OLFM3: variants seen among roughly 807,000 people sequenced by gnomAD.
The protein encoded by OLFM3 is olfactomedin 3.
In OLFM3, 20 loss-of-function variants were observed where a neutral mutation model predicts 48.6. The observed-to-expected ratio is 0.41, with a 90% CI of 0.29 to 0.60. OLFM3 has a LOEUF of 0.60. OLFM3 is among the 20% of genes least tolerant of loss of function. The pLI is 0.28. For synonymous variants in OLFM3, 222 were observed against 198.1 expected, an observed-to-expected ratio of 1.12 and a Z score of -1.01; for missense variants, 437 against 544.3, an observed-to-expected ratio of 0.80 and a Z score of 1.96.
intron 1 of OLFM3, among the ~76,000 whole-genome samples, chr1:101,971,697 AATTAT>A (rs1450527198): frequency 6.6e-6 from 1 of 152,148 alleles, no homozygotes; most frequent in Non-Finnish European, 1.5e-5. Context: ...AGATGTCTAA[AATTAT>A]ATTATAGTTC....
Position 101,878,059 on chromosome 1 carries a change from C to T in OLFM3, c.70-41034G>A, listed in dbSNP as rs117612508. Among the ~76,000 whole-genome samples the T allele has an allele frequency of 1.4e-4, 21 of 151,806 alleles. No homozygotes were observed. The East Asian group carries it at 1.8e-3, about 13-fold the overall frequency. On this transcript the variant is annotated intron_variant, in intron 1 of 5. Coordinates refer to ENST00000370103, the MANE Select transcript of OLFM3 (RefSeq NM_058170.4). Reference sequence around the variant, plus strand: ...ATGGGGATTTAAGTGCCTTCTCACCCGCATGTCCTAGAGAAGATACACCTG... The same window carrying T: ...ATGGGGATTTAAGTGCCTTCTCACCTGCATGTCCTAGAGAAGATACACCTG...
At position 101,825,238 on chromosome 1, in the gene OLFM3, T is replaced by C. The variant is rs781538617; in HGVS notation, c.380A>G (p.Lys127Arg). 6.2e-7 allele frequency: 1 copy of C among 1,613,520 alleles called. No individual in the cohort carries two copies. The highest frequency in any genetic ancestry group is 1.1e-5 in the South Asian group (1 of 90,962). ...TLMTKHFQELKEKMDELLPLI... is the reference protein window; with the variant it reads ...TLMTKHFQELREKMDELLPLI... ...AGGCAGGAGCTCGTCCATTTTCTCTTTCAACTCCTGTGAAAAGCAGCCTAT... is the reference window on the plus strand; with the variant it reads ...AGGCAGGAGCTCGTCCATTTTCTCTCTCAACTCCTGTGAAAAGCAGCCTAT... Residue 127 changes from lysine to arginine, a missense_variant, in exon 4 of 6, where the codon AAA becomes AGA. Physicochemically the swap from Lys to Arg is conservative, Grantham distance 26. Around this residue, in one of 3 missense-constraint regions of OLFM3, gnomAD observed 314 missense variants for 365.5 expected, o/e 0.86. Transcript: ENST00000370103.
At chr1:101,956,289 G>A (rs1403694799) in intron 1 of OLFM3, among the ~76,000 whole-genome samples, 19 of 151,204 alleles carry the variant, frequency 1.3e-4, no homozygotes, top group Non-Finnish European at 2.7e-4. Flanking sequence ...CCACATAAAG[G>A]CCTTTATAAT....
chr1:101,961,689 T>TAGAAATAAGC (rs1326057340), intron 1 of OLFM3, among the ~76,000 whole-genome samples: 1 of 152,110 alleles, frequency 6.6e-6, no homozygotes, highest in Admixed American at 6.6e-5. Context: ...GACTATGCAT[T>TAGAAATAAGC]AGAAATAAGC....
intron 1 of OLFM3, among the ~76,000 whole-genome samples, chr1:101,888,462 A>T (rs958665497): frequency 5.9e-5 from 9 of 152,182 alleles, no homozygotes; most frequent in Admixed American, 1.3e-4. Flanking sequence ...GAAAGCTGAA[A>T]CTGGATCCCT....
chr1:101,858,988 C>T (rs1315973581), intron 1 of OLFM3, among the ~76,000 whole-genome samples: 1 of 151,968 alleles, frequency 6.6e-6, no homozygotes, highest in Non-Finnish European at 1.5e-5. Flanking sequence ...ATAAATTTCC[C>T]AAGAAAATCA....
intron 1 of OLFM3, among the ~76,000 whole-genome samples, chr1:101,912,620 A>T (rs1658797534): frequency 1.3e-5 from 2 of 152,230 alleles, no homozygotes; most frequent in African/African-American, 4.8e-5. Flanking sequence ...AAAGCTGCAG[A>T]GACGCCTACA....
intron 1 of OLFM3, among the ~76,000 whole-genome samples, chr1:101,862,093 G>A (rs1656682727): frequency 6.6e-6 from 1 of 152,132 alleles, no homozygotes; most frequent in Admixed American, 6.5e-5. Context: ...GTTAAGAAGT[G>A]GACTCTGGAT....
chr1:101,825,289 A>T (rs1291505740), intron 3 of OLFM3, 44 bp from the exon 4 acceptor site: 1 of 1,439,002 alleles, frequency 6.9e-7, no homozygotes, highest in Non-Finnish European at 9.7e-7. Flanking sequence ...TTTAAAACAG[A>T]TCATGCTGCT....
chr1:101,996,116 TTTC>T (rs1265860763), intron 1 of OLFM3, among the ~76,000 whole-genome samples: 1 of 152,174 alleles, frequency 6.6e-6, no homozygotes, highest in African/African-American at 2.4e-5. Flanking sequence ...TCACTTCCTG[TTTC>T]TTAACACTGA....
chr1:101,883,232 G>A (rs1247015208), intron 1 of OLFM3, among the ~76,000 whole-genome samples: 1 of 150,990 alleles, frequency 6.6e-6, no homozygotes, highest in African/African-American at 2.4e-5. Flanking sequence ...GACTCCTGGA[G>A]GATCCTTGTT....
At chr1:101,980,888 T>C (rs1661089299) in intron 1 of OLFM3, among the ~76,000 whole-genome samples, 1 of 152,238 alleles carries the variant, frequency 6.6e-6, no homozygotes, top group African/African-American at 2.4e-5. Context: ...CTCAGGCTTG[T>C]CTTTCAATGT....
intron 1 of OLFM3, among the ~76,000 whole-genome samples, chr1:101,990,468 T>A (rs1421105579): frequency 1.3e-5 from 2 of 152,182 alleles, no homozygotes; most frequent in Admixed American, 6.5e-5. Context: ...TTCACATGTA[T>A]TAATATCATA....
At chr1:101,982,040 A>C (rs955999489) in intron 1 of OLFM3, among the ~76,000 whole-genome samples, 1 of 152,224 alleles carries the variant, frequency 6.6e-6, no homozygotes, top group East Asian at 1.9e-4. Context: ...AAAATGACTA[A>C]AATGTTTTAG....
At chr1:101,875,978 T>C (rs896836917) in intron 1 of OLFM3, among the ~76,000 whole-genome samples, 11 of 152,060 alleles carry the variant, frequency 7.2e-5, no homozygotes, top group Admixed American at 6.6e-4. Context: ...GGCTTGCTCA[T>C]GCTAAAAGAG....
intron 1 of OLFM3, among the ~76,000 whole-genome samples, chr1:101,846,075 C>CT (rs1346414801): frequency 6.6e-6 from 1 of 152,054 alleles, no homozygotes; most frequent in Non-Finnish European, 1.5e-5. Flanking sequence ...TTTCAAAAAA[C>CT]AATAGTTTTC....
chr1:101,990,342 C>T (rs1661364678), intron 1 of OLFM3, among the ~76,000 whole-genome samples: 1 of 152,054 alleles, frequency 6.6e-6, no homozygotes, highest in African/African-American at 2.4e-5. Flanking sequence ...ACGTGATAAG[C>T]CTTTTTTATT....
chr1:101,961,139 G>C (rs897908874), intron 1 of OLFM3, among the ~76,000 whole-genome samples: 10 of 151,940 alleles, frequency 6.6e-5, no homozygotes, highest in African/African-American at 2.4e-4. Context: ...AAAAGATAAT[G>C]GGGAAAATAA....
chr1:101,922,379 G>A (rs1659125531), intron 1 of OLFM3, among the ~76,000 whole-genome samples: 2 of 152,110 alleles, frequency 1.3e-5, no homozygotes, highest in African/African-American at 4.8e-5. Flanking sequence ...TCCAACCTGT[G>A]CTTTGAACAC....
Sources: allele counts gnomAD v4.1 joint callset (sites outside exome capture counted in the v4.1 genomes callset), GRCh38; gene constraint gnomAD v4.1.1; regional missense constraint gnomAD v4.1.1; transcripts MANE v1.5; gene names NCBI Gene and HGNC (gene_info 2026-07-23, HGNC 2026-07-21).